The following POC5 variants were observed in gnomAD, a reference collection of about 807,000 sequenced individuals.
POC5 encodes the protein POC5 centriolar protein, also known as centrosomal protein POC5.
POC5 carries 48 observed loss-of-function variants against 62.9 expected under a neutral mutation model. The observed-to-expected ratio is 0.76, with a 90% CI of 0.61 to 0.97. The LOEUF (loss-of-function observed/expected upper bound fraction) is 0.97. Ranked by LOEUF, POC5 falls within the 50% of genes least tolerant of loss-of-function variation. The pLI is 0.00. For missense variants in POC5, 696 were observed against 679.5 expected (o/e 1.02, Z -0.27); for synonymous variants, 236 against 228.2 (o/e 1.03, Z -0.31).
chr5:75,685,358 G>C lies in POC5; in HGVS notation c.1256C>G (p.Ser419Cys). 6.2e-7 allele frequency: 1 copy of C among 1,614,038 alleles called. No individual in the cohort carries two copies. The highest frequency in any genetic ancestry group is 8.5e-7 in the Non-Finnish European group (1 of 1,179,900). Residue 419 changes from serine (S) to cysteine (C), a missense_variant, in exon 10 of 12, where the codon TCC becomes TGC. By Grantham distance (112) the Ser-to-Cys change is moderately radical (BLOSUM62 -1). Transcript: ENST00000428202. ...GGCTCCTCCGACGGCGGCTGGTGGG[G>C]ATGGCAGCAGTGGTGATGTAACTGG... ...PLPVTSPLLP[S>C]PPAAVGGASA...
intron 5 of POC5, 96 bp downstream of exon 5, chr5:75,702,509 G>A (rs17563863): frequency 0.26 from 311,014 of 1,183,814 alleles, 42,141 homozygotes; most frequent in South Asian, 0.34. Flanking sequence ...AAGATTTTTA[G>A]AAAGTTTAAC....
At chr5:75,701,747 A>G (rs1294939456) in intron 5 of POC5, among the ~76,000 whole-genome samples, 6 of 151,934 alleles carry the variant, frequency 3.9e-5, no homozygotes, top group Non-Finnish European at 7.4e-5. Context: ...AAATAAATAA[A>G]TAAATAAAAC....
In POC5 at chr5:75,694,669, C is replaced by T. The variant is rs767654559; in HGVS notation, c.676G>A (p.Gly226Arg). The change falls in exon 6 of 12, where the codon GGG (glycine) becomes AGG (arginine). Residue 226 changes from glycine to arginine, a missense_variant. Gly to Arg is a moderately radical substitution (Grantham distance 125). Transcript: ENST00000428202. ...ELQKTFEISI[G>R]RKDEVISSLS... ...AAAAAGAAGACCTCATCTTTTCTCCCAATGGAGATTTCAAAGGTTTTTTGC... is the reference window on the plus strand; with the variant it reads ...AAAAAGAAGACCTCATCTTTTCTCCTAATGGAGATTTCAAAGGTTTTTTGC... The T allele has an allele frequency of 1.3e-6, 2 of 1,551,850 alleles. 1 individual carries two copies. The highest frequency in any genetic ancestry group is 2.5e-5 in the South Asian group (2 of 79,028).
intron 5 of POC5, among the ~76,000 whole-genome samples, 185 bp downstream of exon 5, chr5:75,702,420 C>T (rs1000899938): frequency 6.6e-6 from 1 of 152,172 alleles, no homozygotes; most frequent in Admixed American, 6.5e-5. Flanking sequence ...TGTAGTTTAA[C>T]AGGCTCCCGC....
intron 2 of POC5, among the ~76,000 whole-genome samples, chr5:75,708,114 C>CT (rs542833012): frequency 5.3e-4 from 81 of 152,242 alleles, no homozygotes; most frequent in Non-Finnish European, 1.0e-3. Context: ...AAACTCAGCA[C>CT]TTTGAGAGGC....
At chr5:75,712,570 T>A (rs1021983447) in intron 2 of POC5, 11 of 1,007,298 alleles carry the variant, frequency 1.1e-5, no homozygotes, top group Non-Finnish European at 1.6e-5. Flanking sequence ...ATGAAAAAAA[T>A]TTAAACAAAA....
intron 4 of POC5, among the ~76,000 whole-genome samples, chr5:75,705,002 C>T (rs772174488): frequency 2.0e-5 from 3 of 152,088 alleles, no homozygotes; most frequent in Non-Finnish European, 4.4e-5. Flanking sequence ...GAGTTTGAGA[C>T]CAGCCTGGGC....
In POC5 at chr5:75,674,370, C is replaced by A; in HGVS notation, c.*65G>T. On this transcript the variant is annotated 3_prime_UTR_variant, in exon 12 of 12. Transcript: ENST00000428202. ...TCTAACAATATGGAAAAGTTAAAACCAAAAGACTTCTAACCCTTGGTAAGA... is the reference window on the plus strand; with the variant it reads ...TCTAACAATATGGAAAAGTTAAAACAAAAAGACTTCTAACCCTTGGTAAGA... 2 of 1,515,460 alleles carry A rather than the reference C, an allele frequency of 1.3e-6. No homozygotes were observed. The highest frequency in any genetic ancestry group is 1.3e-5 in the South Asian group (1 of 78,694). 93.9% of individuals were successfully genotyped at this position (1,515,460 alleles called of 1,614,324 possible).
chr5:75,691,939 G>T (rs1776354007), intron 7 of POC5, among the ~76,000 whole-genome samples: 1 of 152,070 alleles, frequency 6.6e-6, no homozygotes, highest in South Asian at 2.1e-4. Context: ...GGCTTTCTCT[G>T]ACTCTCACTC....
At chr5:75,674,672 C>A in intron 11 of POC5, 94 bp from the exon 12 acceptor site, 2 of 1,443,882 alleles carry the variant, frequency 1.4e-6, no homozygotes, top group Non-Finnish European at 1.9e-6. Flanking sequence ...ACCCAATAAA[C>A]ATTTGTTAAG....
chr5:75,709,208 G>A (rs1405701072), intron 2 of POC5, among the ~76,000 whole-genome samples: 1 of 152,148 alleles, frequency 6.6e-6, no homozygotes, highest in Non-Finnish European at 1.5e-5. Context: ...ATATTTTAAG[G>A]CTAACGACAG....
At chr5:75,698,565 G>A (rs1776714392) in intron 5 of POC5, among the ~76,000 whole-genome samples, 1 of 151,512 alleles carries the variant, frequency 6.6e-6, no homozygotes, top group Non-Finnish European at 1.5e-5. Context: ...CACATTCAAT[G>A]CAGTGTGTAG....
At chr5:75,675,151 A>G (rs1262612928) in intron 11 of POC5, among the ~76,000 whole-genome samples, 2 of 152,238 alleles carry the variant, frequency 1.3e-5, no homozygotes, top group Non-Finnish European at 2.9e-5. Flanking sequence ...CACCTCAGAC[A>G]TGAGCACTGA....
intron 11 of POC5, among the ~76,000 whole-genome samples, chr5:75,675,307 G>A (rs1026612824): frequency 2.0e-5 from 3 of 152,112 alleles, no homozygotes; most frequent in South Asian, 2.1e-4. Context: ...TATTAAACCC[G>A]ATAAAGCTTC....
Position 75,712,880 on chromosome 5 carries a change from C to G in POC5, c.58G>C (p.Gly20Arg). ...TGAAGATTCGAAGAGACAGAACTGC[C>G]TCGACTGGAGTCATTTTGCACAACT... ...LPVVQNDSSR[G>R]SSVSSNLQEE... The change falls in exon 2 of 12, where the codon GGC becomes CGC. Residue 20 changes from glycine to arginine, a missense_variant. By Grantham distance (125) the Gly-to-Arg change is moderately radical (BLOSUM62 -2). Coordinates refer to ENST00000428202, the MANE Select transcript of POC5 (RefSeq NM_001099271.2). 6.2e-7 allele frequency: 1 copy of G among 1,609,406 alleles called. No homozygotes were observed. Among genetic ancestry groups the G allele is most frequent in the Non-Finnish European group, 8.5e-7 (1 of 1,176,518 alleles).
At chr5:75,712,380 T>G (rs1467048797) in intron 2 of POC5, 26 of 1,606,362 alleles carry the variant, frequency 1.6e-5, no homozygotes, top group Non-Finnish European at 2.2e-5. Context: ...ACTGACCCAC[T>G]TCATTTTATC....
chr5:75,687,567 AATC>A (rs1384208740), intron 9 of POC5, among the ~76,000 whole-genome samples: 2 of 152,212 alleles, frequency 1.3e-5, no homozygotes, highest in African/African-American at 2.4e-5. Context: ...GAGCAAAAGA[AATC>A]ATGTTGTGTA....
At chr5:75,692,578 A>T (rs1389126157) in intron 6 of POC5, 78 bp from the exon 7 acceptor site, 3 of 1,012,890 alleles carry the variant, frequency 3.0e-6, no homozygotes, top group Non-Finnish European at 4.3e-6. Context: ...ATATATCAAA[A>T]AATGCTAGAG....
chr5:75,707,449 A>G (rs906999844), intron 3 of POC5: 4 of 242,054 alleles, frequency 1.7e-5, no homozygotes, highest in African/African-American at 8.9e-5. Context: ...TGGAACAAGT[A>G]CTGAGATACA....
Sources: gnomAD v4.1 joint callset for allele counts (sites outside exome capture counted in the v4.1 genomes callset) on GRCh38, gnomAD v4.1.1 for gene constraint, MANE v1.5 for transcripts, NCBI Gene and HGNC (gene_info 2026-07-23, HGNC 2026-07-21) for gene names.